NFATC2: variants seen among roughly 807,000 people sequenced by gnomAD.
NFATC2 encodes the protein nuclear factor of activated T cells 2.
Under a neutral mutation model 87.3 loss-of-function variants are expected in NFATC2, and 22 were observed. The ratio of observed to expected loss-of-function variants is 0.25; its 90% CI spans 0.18 to 0.36. The LOEUF (loss-of-function observed/expected upper bound fraction) is 0.36, where lower values mean the gene tolerates loss of function less well. Ranked by LOEUF, NFATC2 falls within the 10% of genes least tolerant of loss-of-function variation. The pLI, the probability that NFATC2 is intolerant of heterozygous loss-of-function variation, is 1.00. For synonymous variants in NFATC2, 565 were observed against 542.2 expected (o/e 1.04, Z -0.58); for missense variants, 1,149 against 1,259.1 (o/e 0.91, Z 1.32).
chr20:51,444,989 C>T (rs985840363), intron 6 of NFATC2, among the ~76,000 whole-genome samples: 6 of 152,160 alleles, frequency 3.9e-5, no homozygotes, highest in Non-Finnish European at 7.4e-5. Context: ...CCATCCCCCA[C>T]CGGGACAACT....
chr20:51,553,265 G>A (rs549659770), intron 1 of NFATC2, among the ~76,000 whole-genome samples: 1 of 152,294 alleles, frequency 6.6e-6, no homozygotes, highest in African/African-American at 2.4e-5. Context: ...CTGGGCTGCA[G>A]AGTCTTGATT....
chr20:51,530,528 G>A (rs1000398598), intron 1 of NFATC2, among the ~76,000 whole-genome samples: 6 of 152,132 alleles, frequency 3.9e-5, no homozygotes, highest in Non-Finnish European at 7.3e-5. Flanking sequence ...ATAGTTCTTA[G>A]CACATACAAC....
chr20:51,517,101 T>C (rs2076363734), intron 2 of NFATC2, 146 bp from the exon 3 acceptor site: 7 of 842,238 alleles, frequency 8.3e-6, no homozygotes, highest in South Asian at 7.1e-5. Flanking sequence ...AATGCACCAT[T>C]ATGTGAACAT....
At chr20:51,415,253 A>G (rs1410418856) in intron 9 of NFATC2, among the ~76,000 whole-genome samples, 4 of 151,610 alleles carry the variant, frequency 2.6e-5, no homozygotes, top group African/African-American at 9.7e-5. Flanking sequence ...ATCAAAAAAA[A>G]AAAAAAAAAA....
intron 6 of NFATC2, among the ~76,000 whole-genome samples, chr20:51,435,969 C>G (rs745823555): frequency 6.6e-6 from 1 of 152,026 alleles, no homozygotes; most frequent in African/African-American, 2.4e-5. Context: ...CAATAGAAAA[C>G]AAGGCAACAT....
chr20:51,542,292 A>G, intron 1 of NFATC2, 78 bp downstream of exon 1: 1 of 1,502,896 alleles, frequency 6.7e-7, no homozygotes, highest in Admixed American at 2.4e-5. Flanking sequence ...GCTGGAGCCA[A>G]GAGGACTCCT....
chr20:51,436,739 CAAAT>C lies in NFATC2; in HGVS notation c.1850-982_1850-979del, dbSNP rs933634677. On this transcript the variant is annotated intron_variant, in intron 6 of 10. Coordinates refer to ENST00000371564, the MANE Select transcript of NFATC2 (RefSeq NM_012340.5). ...CAAAACAAACAAACAAACAAACAAA[CAAAT>C]AAATAAGTAAATAAATAAGTAAATA... is the stretch of plus-strand genomic sequence containing the variant. Among the ~76,000 whole-genome samples, 28 of 138,414 alleles carry C rather than the reference CAAAT, an allele frequency of 2.0e-4. No individual in the cohort carries two copies. The South Asian group carries it at 2.6e-3, about 13-fold the overall frequency. 90.8% of individuals were successfully genotyped at this position (138,414 alleles called of 152,430 possible). A position where few individuals can be genotyped will look rare whatever the true frequency, so the allele number is the denominator to read the frequency against.
At chr20:51,429,386 G>T (rs1037970813) in intron 9 of NFATC2, among the ~76,000 whole-genome samples, 4 of 152,246 alleles carry the variant, frequency 2.6e-5, no homozygotes, top group Non-Finnish European at 5.9e-5. Flanking sequence ...GGCCACGTGG[G>T]TGGAAACCAT....
chr20:51,497,364 G>A (rs1003173107), intron 3 of NFATC2, among the ~76,000 whole-genome samples: 1 of 152,174 alleles, frequency 6.6e-6, no homozygotes, highest in Admixed American at 6.5e-5. Flanking sequence ...ACGTGAGAAC[G>A]AGTCCACGTG....
intron 5 of NFATC2, among the ~76,000 whole-genome samples, chr20:51,472,831 C>T (rs1249118987): frequency 1.3e-5 from 2 of 152,002 alleles, no homozygotes; most frequent in South Asian, 2.1e-4. Context: ...GATGGGGTTT[C>T]ACCATGTTGG....
At chr20:51,398,030 C>A (rs1327522853) in intron 10 of NFATC2, among the ~76,000 whole-genome samples, 1 of 151,988 alleles carries the variant, frequency 6.6e-6, no homozygotes, top group Non-Finnish European at 1.5e-5. Context: ...GGTGGATCTG[C>A]TGGGTGAGGG....
intron 3 of NFATC2, among the ~76,000 whole-genome samples, chr20:51,490,320 G>A (rs2075861047): frequency 6.6e-6 from 1 of 152,312 alleles, no homozygotes; most frequent in South Asian, 2.1e-4. Flanking sequence ...ATGCAGCTAA[G>A]AAGAGAGAAG....
At position 51,391,014 on chromosome 20, in the gene NFATC2, G is replaced by A. The variant is rs1986254284; in HGVS notation, c.*482C>T. ...ACCTGGAAAAACGAACGCAAGGGCT[G>A]GGGTTTAATCACAGTGCCCACATCT... On this transcript the variant is annotated 3_prime_UTR_variant, in exon 11 of 11. Transcript: ENST00000371564. 5.5e-6 allele frequency: 2 copies of A among 365,642 alleles called. No homozygotes were observed. The highest frequency in any genetic ancestry group is 4.2e-5 in the African/African-American group (2 of 47,648). 22.6% of individuals were successfully genotyped at this position (365,642 alleles called of 1,614,324 possible).
chr20:51,497,783 C>A (rs867169417), intron 3 of NFATC2, among the ~76,000 whole-genome samples: 2 of 152,128 alleles, frequency 1.3e-5, no homozygotes, highest in Non-Finnish European at 2.9e-5. Flanking sequence ...ACACAATAAA[C>A]AAGCCTGCTG....
intron 6 of NFATC2, chr20:51,452,891 T>C (rs1985976162): frequency 6.5e-6 from 1 of 154,772 alleles, no homozygotes. Flanking sequence ...GGATAGATGA[T>C]GGAGAGTTTC....
At chr20:51,452,304 CA>C (rs1985898896) in intron 6 of NFATC2, among the ~76,000 whole-genome samples, 1 of 152,146 alleles carries the variant, frequency 6.6e-6, no homozygotes, top group Non-Finnish European at 1.5e-5. Flanking sequence ...TCCAGGGCAC[CA>C]GACTCCCCTG....
intron 5 of NFATC2, among the ~76,000 whole-genome samples, chr20:51,463,435 T>A (rs984088557): frequency 2.6e-5 from 4 of 152,220 alleles, no homozygotes; most frequent in Non-Finnish European, 1.5e-5. Context: ...CGGCCCCTCC[T>A]GTGAGACTTT....
chr20:51,438,806 C>T (rs1983934918), intron 6 of NFATC2, among the ~76,000 whole-genome samples: 1 of 152,206 alleles, frequency 6.6e-6, no homozygotes, highest in Admixed American at 6.5e-5. Context: ...AGAAACTAGC[C>T]AGCCCTGCAC....
At chr20:51,460,983 G>A (rs552877780) in intron 5 of NFATC2, among the ~76,000 whole-genome samples, 6 of 152,330 alleles carry the variant, frequency 3.9e-5, no homozygotes, top group Non-Finnish European at 7.3e-5. Context: ...TGTCACGCAC[G>A]TTTGCTTAAG....
Sources: gnomAD v4.1 joint callset for allele counts (sites outside exome capture counted in the v4.1 genomes callset) on GRCh38, gnomAD v4.1.1 for gene constraint, MANE v1.5 for transcripts, NCBI Gene and HGNC (gene_info 2026-07-23, HGNC 2026-07-21) for gene names.